The following ZNF395 variants were observed in gnomAD, a reference collection of about 807,000 sequenced individuals.
The protein encoded by ZNF395 is zinc finger protein 395, also known as HD gene regulatory region-binding protein 2.
A neutral mutation model predicts 57.7 loss-of-function variants in ZNF395; 20 were observed. The ratio of observed to expected loss-of-function variants is 0.35; its 90% CI spans 0.24 to 0.50. ZNF395 has a LOEUF of 0.50. Among genes scored for constraint, ZNF395 ranks in the 20% least tolerant of loss-of-function variants. ZNF395 has a pLI of 0.97. For synonymous variants in ZNF395, 295 were observed against 275.9 expected (o/e 1.07, Z -0.69); for missense variants, 606 against 671.2 (o/e 0.90, Z 1.07).
intron 1 of ZNF395, among the ~76,000 whole-genome samples, chr8:28,384,624 C>T (rs1227888547): frequency 6.6e-6 from 1 of 152,200 alleles, no homozygotes; most frequent in Admixed American, 6.5e-5. Flanking sequence ...AGCCTCTGCT[C>T]CTCTGCTCCA....
At chr8:28,361,372 T>C (rs1801847732) in intron 1 of ZNF395, among the ~76,000 whole-genome samples, 190 bp from the exon 2 acceptor site, 1 of 152,228 alleles carries the variant, frequency 6.6e-6, no homozygotes, top group Admixed American at 6.5e-5. Context: ...AGGCCCACTC[T>C]TCCTATGCAG....
chr8:28,373,093 G>A (rs534608404), intron 1 of ZNF395, among the ~76,000 whole-genome samples: 43 of 152,214 alleles, frequency 2.8e-4, no homozygotes, highest in Non-Finnish European at 5.0e-4. Flanking sequence ...ATGAATGCAC[G>A]AGTGGGGTTG....
At chr8:28,354,520 C>T (rs1801756562) in intron 4 of ZNF395, among the ~76,000 whole-genome samples, 1 of 152,142 alleles carries the variant, frequency 6.6e-6, no homozygotes, top group Non-Finnish European at 1.5e-5. Context: ...GTCCAGACTC[C>T]TTCAATGCTA....
intron 4 of ZNF395, among the ~76,000 whole-genome samples, chr8:28,355,743 G>C (rs1011097823): frequency 6.6e-6 from 1 of 152,198 alleles, no homozygotes; most frequent in Non-Finnish European, 1.5e-5. Context: ...TCACAGCTAG[G>C]TGTCCTCATA....
intron 4 of ZNF395, among the ~76,000 whole-genome samples, chr8:28,354,473 G>A (rs1015359526): frequency 2.0e-5 from 3 of 152,148 alleles, no homozygotes; most frequent in Admixed American, 6.5e-5. Flanking sequence ...TTGTGGCCAG[G>A]ATAAAATCCT....
intron 8 of ZNF395, among the ~76,000 whole-genome samples, chr8:28,349,585 C>T (rs1400578537): frequency 6.6e-6 from 1 of 152,230 alleles, no homozygotes; most frequent in African/African-American, 2.4e-5. Flanking sequence ...CAGGAGATAA[C>T]TCAAGACCAG....
chr8:28,352,068 C>G lies in ZNF395; in HGVS notation c.921-261G>C, dbSNP rs539170671. 6.6e-6 allele frequency among the ~76,000 whole-genome samples: 1 copy of G among 152,318 alleles called. No homozygotes were observed. The highest frequency in any genetic ancestry group is 2.4e-5 in the African/African-American group (1 of 41,568). On this transcript the variant is annotated intron_variant, in intron 6 of 9. Transcript: ENST00000344423. The surrounding 1 kb of genome is among the most constrained non-coding windows in gnomAD (Gnocchi z 4.0). ...AACCTCTCCTCTGGCAGGAGGCATC[C>G]CACACTGAGCACGACCACGAGCCCT...
At chr8:28,355,535 A>C (rs1801768767) in intron 4 of ZNF395, among the ~76,000 whole-genome samples, 1 of 151,754 alleles carries the variant, frequency 6.6e-6, no homozygotes, top group East Asian at 1.9e-4. Flanking sequence ...GCACTTGTGT[A>C]TGCATGTATT....
At chr8:28,366,560 T>C (rs1471236308) in intron 1 of ZNF395, among the ~76,000 whole-genome samples, 5 of 152,202 alleles carry the variant, frequency 3.3e-5, no homozygotes, top group African/African-American at 7.2e-5. Context: ...TATTTCACAA[T>C]GGAACTCCAT....
chr8:28,350,797 A>G (rs1801672520), intron 7 of ZNF395, among the ~76,000 whole-genome samples: 1 of 152,256 alleles, frequency 6.6e-6, no homozygotes, highest in Admixed American at 6.5e-5. Flanking sequence ...AATAGGCACA[A>G]AAGAATTTTA....
intron 1 of ZNF395, among the ~76,000 whole-genome samples, chr8:28,380,535 C>T (rs1433735622): frequency 6.6e-6 from 1 of 152,204 alleles, no homozygotes; most frequent in Admixed American, 6.5e-5. Context: ...TTCAGATCTC[C>T]TTCCAGGCTG....
chr8:28,365,429 G>A (rs1355818662), intron 1 of ZNF395: 1 of 152,134 alleles, frequency 6.6e-6, no homozygotes, highest in African/African-American at 2.4e-5. Context: ...CACTCCTCTG[G>A]TAAGTTCTTT....
chr8:28,384,613 G>A (rs1802148981), intron 1 of ZNF395, among the ~76,000 whole-genome samples: 1 of 152,140 alleles, frequency 6.6e-6, no homozygotes, highest in Non-Finnish European at 1.5e-5. Flanking sequence ...AGACAGGTAT[G>A]AGCCTCTGCT....
At chr8:28,381,695 T>C (rs1013967997) in intron 1 of ZNF395, among the ~76,000 whole-genome samples, 3 of 152,180 alleles carry the variant, frequency 2.0e-5, no homozygotes, top group African/African-American at 7.2e-5. Context: ...ACCAGGCTCC[T>C]GAGAATTGTA....
chr8:28,383,061 C>G (rs1802129578), intron 1 of ZNF395, among the ~76,000 whole-genome samples: 1 of 152,164 alleles, frequency 6.6e-6, no homozygotes. Context: ...ATTAGCTTGA[C>G]CACTGCTTCA....
At chr8:28,353,770 C>G (rs1455476746) in intron 4 of ZNF395, among the ~76,000 whole-genome samples, 1 of 152,032 alleles carries the variant, frequency 6.6e-6, no homozygotes, top group Non-Finnish European at 1.5e-5. Flanking sequence ...GCCTGTTTCT[C>G]ACTTTATACA....
intron 3 of ZNF395, among the ~76,000 whole-genome samples, chr8:28,358,149 T>C (rs980617291): frequency 3.4e-5 from 5 of 148,884 alleles, no homozygotes; most frequent in African/African-American, 1.3e-4. Flanking sequence ...TTTCTTTTTT[T>C]TCTTTTTTTT....
intron 1 of ZNF395, among the ~76,000 whole-genome samples, chr8:28,379,664 C>A (rs571906197): frequency 1.3e-5 from 2 of 152,286 alleles, no homozygotes; most frequent in African/African-American, 4.8e-5. Context: ...CTGTCTTCCA[C>A]TGTGACTCTA....
At chr8:28,355,020 A>G (rs1801763124) in intron 4 of ZNF395, among the ~76,000 whole-genome samples, 1 of 152,040 alleles carries the variant, frequency 6.6e-6, no homozygotes, top group Admixed American at 6.6e-5. Flanking sequence ...AGAAAGCAAA[A>G]CATAAAGCAA....
Sources: allele counts gnomAD v4.1 joint callset (sites outside exome capture counted in the v4.1 genomes callset), GRCh38; gene constraint gnomAD v4.1.1; non-coding constraint Gnocchi (gnomAD v3.1); transcripts MANE v1.5; gene names NCBI Gene and HGNC (gene_info 2026-07-23, HGNC 2026-07-21).